PRLR: variants seen among roughly 807,000 people sequenced by gnomAD.
PRLR encodes prolactin receptor.
A neutral mutation model predicts 40.2 loss-of-function variants in PRLR; 13 were observed. The ratio of observed to expected loss-of-function variants is 0.32; its 90% CI spans 0.21 to 0.51. The LOEUF (loss-of-function observed/expected upper bound fraction) is 0.51. Among genes scored for constraint, PRLR ranks in the 20% least tolerant of loss-of-function variants. The pLI is 0.97. For missense variants in PRLR, 656 were observed against 747.3 expected (o/e 0.88, Z 1.42); for synonymous variants, 269 against 278.7 (o/e 0.97, Z 0.35).
intron 2 of PRLR, among the ~76,000 whole-genome samples, chr5:35,114,321 C>T (rs1253907361): frequency 7.2e-5 from 11 of 152,268 alleles, no homozygotes; most frequent in Admixed American, 6.5e-4. Context: ...TGTAAAGTGT[C>T]GAGAGGGTCA....
chr5:35,142,250 A>G (rs530615453), intron 1 of PRLR, among the ~76,000 whole-genome samples: 26 of 152,316 alleles, frequency 1.7e-4, no homozygotes, highest in African/African-American at 6.3e-4. Context: ...GTTGAACTGA[A>G]TATCACAGAA....
Position 35,059,364 on chromosome 5 carries a change from A to G in PRLR, c.*5725T>C, listed in dbSNP as rs1185097490. 6.6e-6 allele frequency: 1 copy of G among 152,086 alleles called. No individual in the cohort carries two copies. The highest frequency in any genetic ancestry group is 2.4e-5 in the African/African-American group (1 of 41,380). The allele number at this position is 152,086 out of a possible 1,614,324, so 9.4% of individuals were successfully genotyped here. ...CATGTCTCAGTACTTTCTAAATTGA[A>G]ATCAGAGCATTAAATCAAGGGAATT... On this transcript the variant is annotated 3_prime_UTR_variant, in exon 10 of 10. Coordinates refer to ENST00000618457, the MANE Select transcript of PRLR (RefSeq NM_000949.7).
intron 1 of PRLR, among the ~76,000 whole-genome samples, chr5:35,172,340 G>A (rs1775023477): frequency 1.3e-5 from 2 of 152,022 alleles, no homozygotes; most frequent in African/African-American, 2.4e-5. Flanking sequence ...TGACTCCCAG[G>A]ATGAGCTTGA....
intron 1 of PRLR, among the ~76,000 whole-genome samples, chr5:35,125,918 C>G (rs910487442): frequency 3.9e-5 from 6 of 152,180 alleles, no homozygotes; most frequent in Non-Finnish European, 7.3e-5. Flanking sequence ...GACCTTTGAA[C>G]TGTTTTCTCC....
intron 2 of PRLR, among the ~76,000 whole-genome samples, chr5:35,092,811 A>C (rs1468254896): frequency 6.6e-6 from 1 of 152,218 alleles, no homozygotes; most frequent in Non-Finnish European, 1.5e-5. Flanking sequence ...TTAAAAATGC[A>C]AGTGGTGGAT....
chr5:35,227,928 C>G (rs1776591404), intron 1 of PRLR, among the ~76,000 whole-genome samples: 1 of 152,134 alleles, frequency 6.6e-6, no homozygotes, highest in African/African-American at 2.4e-5. Context: ...GTATCCACGC[C>G]GGTCTGGACA....
intron 1 of PRLR, among the ~76,000 whole-genome samples, chr5:35,163,835 G>T (rs761794037): frequency 3.3e-5 from 5 of 152,194 alleles, no homozygotes; most frequent in Non-Finnish European, 5.9e-5. Context: ...ATGCATGCAG[G>T]CATCAAGTAT....
In PRLR at chr5:35,155,142, TTAAAA is replaced by T. The variant is rs931908194; in HGVS notation, c.-105-37025_-105-37021del. Among the ~76,000 whole-genome samples, 9 of 152,286 alleles carry T rather than the reference TTAAAA, an allele frequency of 5.9e-5. No homozygotes were observed. In the Middle Eastern group the frequency reaches 0.01, roughly 173 times the overall value. ...ACATCCTGTACATGTACCCCTGAAC[TTAAAA>T]TAAAAACTGAAGATAAAAAATATTA... On this transcript the variant is annotated intron_variant, in intron 1 of 9. Coordinates refer to ENST00000618457, the MANE Select transcript of PRLR (RefSeq NM_000949.7).
At chr5:35,122,271 A>G (rs1375618663) in intron 1 of PRLR, among the ~76,000 whole-genome samples, 3 of 152,108 alleles carry the variant, frequency 2.0e-5, no homozygotes, top group Non-Finnish European at 4.4e-5. Context: ...CCTGGGGTAC[A>G]TGCTCAGGGT....
intron 1 of PRLR, among the ~76,000 whole-genome samples, chr5:35,131,189 A>G (rs2914109): frequency 0.16 from 25,033 of 152,158 alleles, 4,229 homozygotes; most frequent in African/African-American, 0.43. Flanking sequence ...GAACCAATTT[A>G]AAATTTAATA....
chr5:35,193,841 G>A (rs1228245651), intron 1 of PRLR, among the ~76,000 whole-genome samples: 1 of 151,252 alleles, frequency 6.6e-6, no homozygotes, highest in Admixed American at 6.5e-5. Context: ...GATGCCTTGT[G>A]ATTGGGTTGA....
chr5:35,185,507 G>A (rs1775402627), intron 1 of PRLR, among the ~76,000 whole-genome samples: 1 of 152,106 alleles, frequency 6.6e-6, no homozygotes. Flanking sequence ...TGGGCCCAGG[G>A]TTTGTGTATC....
intron 1 of PRLR, among the ~76,000 whole-genome samples, chr5:35,139,304 T>G (rs1773946579): frequency 6.6e-6 from 1 of 151,982 alleles, no homozygotes; most frequent in Non-Finnish European, 1.5e-5. Context: ...CCAGCTAATT[T>G]TTGTATTTTT....
intron 4 of PRLR, among the ~76,000 whole-genome samples, chr5:35,085,144 G>T (rs186916425): frequency 2.3e-4 from 35 of 152,332 alleles, no homozygotes; most frequent in Non-Finnish European, 4.3e-4. Context: ...CACCAAGTCA[G>T]CAATAAAGTG....
At chr5:35,172,813 G>T (rs999352995) in intron 1 of PRLR, among the ~76,000 whole-genome samples, 1 of 152,150 alleles carries the variant, frequency 6.6e-6, no homozygotes, top group Non-Finnish European at 1.5e-5. Flanking sequence ...GTCTTCTGGG[G>T]TTATAGAGGG....
intron 1 of PRLR, among the ~76,000 whole-genome samples, chr5:35,174,218 T>C (rs1225991922): frequency 6.6e-6 from 1 of 152,132 alleles, no homozygotes; most frequent in African/African-American, 2.4e-5. Context: ...GCCTCCCAAG[T>C]AGCTGGGACT....
rs534484360 is a variant in PRLR at position 35,072,729 on chromosome 5, G to T, written c.389C>A (p.Pro130His). 1 of 1,614,148 alleles carries T rather than the reference G, an allele frequency of 6.2e-7. No homozygotes were observed. Among genetic ancestry groups the T allele is most frequent in the East Asian group, 2.2e-5 (1 of 44,876 alleles). ...DVTYIVQPDPPLELAVEVKQP... is the reference protein window; with the variant it reads ...DVTYIVQPDPHLELAVEVKQP... ...TTTTACTTCCACAGCCAGCTCCAAAGGAGGGTCTGGCTGAACTGCAGAAAT... is the reference window on the plus strand; with the variant it reads ...TTTTACTTCCACAGCCAGCTCCAAATGAGGGTCTGGCTGAACTGCAGAAAT... Residue 130 changes from proline (P) to histidine (H), a missense_variant, in exon 6 of 10, where the codon CCT (proline) becomes CAT (histidine). By Grantham distance (77) the Pro-to-His change is moderately conservative. Around this residue, in one of 3 missense-constraint regions of PRLR, gnomAD observed 180 missense variants for 236.8 expected, o/e 0.76. Coordinates refer to ENST00000618457, the MANE Select transcript of PRLR (RefSeq NM_000949.7).
At chr5:35,051,691 GC>G (rs1768502962), downstream of PRLR, among the ~76,000 whole-genome samples, 1 of 152,124 alleles carries the variant, frequency 6.6e-6, no homozygotes, top group African/African-American at 2.4e-5. Context: ...AATTCAAATT[GC>G]AAAAGAAAAA....
At chr5:35,200,895 G>T (rs1437389291) in intron 1 of PRLR, among the ~76,000 whole-genome samples, 1 of 152,198 alleles carries the variant, frequency 6.6e-6, no homozygotes, top group East Asian at 1.9e-4. Context: ...TTCAAACCCA[G>T]ATCTTTCCTT....
Sources: gnomAD v4.1 joint callset for allele counts (sites outside exome capture counted in the v4.1 genomes callset) on GRCh38, gnomAD v4.1.1 for gene constraint, gnomAD v4.1.1 regional missense constraint, MANE v1.5 for transcripts, NCBI Gene and HGNC (gene_info 2026-07-23, HGNC 2026-07-21) for gene names.